Variants in FGF13 observed in about 807,000 individuals in gnomAD.
FGF13 encodes the protein fibroblast growth factor homologous factor 2.
FGF13 carries 2 observed loss-of-function variants against 19.5 expected under a neutral mutation model. That is an observed-to-expected ratio of 0.10 (90% confidence interval 0.04 to 0.32). The LOEUF (loss-of-function observed/expected upper bound fraction) is 0.32. Among genes scored for constraint, FGF13 ranks in the 10% least tolerant of loss-of-function variants. The pLI is 1.00. For missense variants in FGF13, 113 were observed against 192.7 expected (o/e 0.59, Z 2.45); for synonymous variants, 72 against 76.9 (o/e 0.94, Z 0.33).
At chrX:139,007,045 T>C (rs1179749384) in intron 1 of FGF13, among the ~76,000 whole-genome samples, 1 of 111,101 alleles carries the variant, frequency 9.0e-6, no homozygotes, top group African/African-American at 3.3e-5. Context: ...TTAAAAGACA[T>C]AGACTGGCTG....
At chrX:139,138,160 C>T (rs1179883292) in intron 1 of FGF13, among the ~76,000 whole-genome samples, 1 of 112,050 alleles carries the variant, frequency 8.9e-6, no homozygotes, top group Non-Finnish European at 1.9e-5. Flanking sequence ...ATTTATTCCT[C>T]AAAATAGCCC....
At chrX:139,075,723 G>C (rs2083328010) in intron 1 of FGF13, among the ~76,000 whole-genome samples, 1 of 112,087 alleles carries the variant, frequency 8.9e-6, no homozygotes, top group African/African-American at 3.2e-5. Flanking sequence ...TTTGCCATTA[G>C]TGCAGAATGG....
intron 3 of FGF13, among the ~76,000 whole-genome samples, chrX:138,811,649 C>A (rs1338223951): frequency 9.0e-6 from 1 of 110,760 alleles, no homozygotes; most frequent in Non-Finnish European, 1.9e-5. Flanking sequence ...AGACTAGGGG[C>A]TCTTTTAAGA....
At chrX:138,678,832 T>C (rs1305518845) in intron 3 of FGF13, among the ~76,000 whole-genome samples, 1 of 111,969 alleles carries the variant, frequency 8.9e-6, no homozygotes, top group Non-Finnish European at 1.9e-5. Context: ...AAATGTTTCA[T>C]TAAAAGTTCA....
chrX:139,032,057 T>G (rs1334834578), intron 1 of FGF13, among the ~76,000 whole-genome samples: 1 of 111,132 alleles, frequency 9.0e-6, no homozygotes, highest in Non-Finnish European at 1.9e-5. Flanking sequence ...AAACAGAAGA[T>G]GCATCTATGC....
Position 139,155,530 on chromosome X carries a change from C to A in FGF13, c.-113+47886G>T, listed in dbSNP as rs1444750216. ...GATGACAGGTGGAGGGATACAACTT[C>A]TTTGACTTTTTAGTTTGTCTCCATG... On this transcript the variant is annotated intron_variant, in intron 1 of 2. Coordinates refer to the FGF13 transcript ENST00000421460. 1.3e-4 allele frequency among the ~76,000 whole-genome samples: 15 copies of A among 112,043 alleles called. No individual in the cohort carries two copies. In the Admixed American group the frequency reaches 1.4e-3, roughly 11 times the overall value.
intron 1 of FGF13, among the ~76,000 whole-genome samples, chrX:139,093,063 T>C (rs774532580): frequency 7.1e-5 from 8 of 112,034 alleles, no homozygotes; most frequent in Non-Finnish European, 1.5e-4. Context: ...GGGAAAAGAA[T>C]AATAAAGAAG....
Position 139,152,044 on chromosome X carries a change from A to G in FGF13, c.-113+51372T>C, listed in dbSNP as rs893047965. The stretch of plus-strand genomic sequence containing the variant: ...ATAAAAAGCCTTGAGAAACATTAAG[A>G]TAAGCTAATCTCCATTGCCTGAATG... On this transcript the variant is annotated intron_variant, in intron 1 of 2. Transcript: ENST00000421460. Among the ~76,000 whole-genome samples the G allele has an allele frequency of 5.4e-5, 6 of 111,547 alleles. No homozygotes were observed. The Admixed American group carries it at 5.7e-4, about 11-fold the overall frequency.
At chrX:138,649,642 ACT>A (rs2089346847) in intron 3 of FGF13, among the ~76,000 whole-genome samples, 1 of 111,925 alleles carries the variant, frequency 8.9e-6, no homozygotes, top group African/African-American at 3.2e-5. Flanking sequence ...TCTTTGACTG[ACT>A]CTCAAATGTC....
intron 1 of FGF13, among the ~76,000 whole-genome samples, chrX:139,153,225 T>C (rs890405425): frequency 4.5e-5 from 5 of 111,086 alleles, no homozygotes; most frequent in Admixed American, 9.6e-5. Context: ...ATTCCAACTA[T>C]TGGCAGGTCC....
At chrX:138,759,368 A>G (rs139221592) in intron 3 of FGF13, among the ~76,000 whole-genome samples, 1,708 of 112,533 alleles carry the variant, frequency 0.015, 20 homozygotes, top group African/African-American at 0.052. Flanking sequence ...ACTGGCTGAG[A>G]GGGAGCTATT....
chrX:138,734,124 T>C (rs193161939), intron 1 of FGF13, among the ~76,000 whole-genome samples: 65 of 111,817 alleles, frequency 5.8e-4, no homozygotes, highest in African/African-American at 1.5e-3. Context: ...GGACTATTAT[T>C]GTAGGTTCTC....
At chrX:138,829,674 A>G (rs2091058022) in intron 3 of FGF13, among the ~76,000 whole-genome samples, 1 of 111,780 alleles carries the variant, frequency 8.9e-6, no homozygotes, top group Admixed American at 9.5e-5. Context: ...CAGCCACTCA[A>G]TCTTTGACTT....
intron 3 of FGF13, among the ~76,000 whole-genome samples, chrX:138,666,201 A>G (rs1457138013): frequency 2.7e-5 from 3 of 111,445 alleles, no homozygotes; most frequent in African/African-American, 9.8e-5. Flanking sequence ...TCTTCCTGAG[A>G]AAAGTCTGAG....
chrX:138,709,174 C>A (rs2090019258), intron 1 of FGF13, among the ~76,000 whole-genome samples: 1 of 112,583 alleles, frequency 8.9e-6, no homozygotes, highest in Non-Finnish European at 1.9e-5. Context: ...TTTCTGATAA[C>A]CTGTCCTTTG....
chrX:139,157,579 C>A (rs1005623036), intron 1 of FGF13, among the ~76,000 whole-genome samples: 6 of 112,540 alleles, frequency 5.3e-5, no homozygotes, highest in Non-Finnish European at 9.4e-5. Context: ...AAGGCCTTCA[C>A]CCCATGCAGG....
chrX:139,003,092 C>G (rs1287995444), intron 1 of FGF13, among the ~76,000 whole-genome samples: 1 of 111,797 alleles, frequency 8.9e-6, no homozygotes, highest in Non-Finnish European at 1.9e-5. Flanking sequence ...AGAATGAAGC[C>G]GCGGACCCTC....
At chrX:139,155,499 C>T in intron 1 of FGF13, among the ~76,000 whole-genome samples, 1 of 112,024 alleles carries the variant, frequency 8.9e-6, no homozygotes, top group Middle Eastern at 4.6e-3. Context: ...AATCCCCCAA[C>T]ACTCAGATGA....
intron 1 of FGF13, among the ~76,000 whole-genome samples, chrX:139,144,070 A>G (rs775319020): frequency 5.4e-4 from 60 of 111,475 alleles, no homozygotes; most frequent in African/African-American, 1.9e-3. Flanking sequence ...TAGCCCTGGC[A>G]GGGTGCAGCA....
Sources: allele counts gnomAD v4.1 joint callset (sites outside exome capture counted in the v4.1 genomes callset), GRCh38; gene constraint gnomAD v4.1.1; transcripts MANE v1.5; gene names NCBI Gene and HGNC (gene_info 2026-07-23, HGNC 2026-07-21).